The following FOXO3 variants were observed in gnomAD, a reference collection of about 807,000 sequenced individuals.
FOXO3 encodes the protein forkhead box protein O3.
FOXO3 carries 4 observed loss-of-function variants against 41.9 expected under a neutral mutation model. The observed-to-expected ratio is 0.10, with a 90% CI of 0.05 to 0.22. FOXO3 has a LOEUF of 0.22. Among genes scored for constraint, FOXO3 ranks in the 10% least tolerant of loss-of-function variants. FOXO3 has a pLI of 1.00. For missense variants in FOXO3, 534 were observed against 906.8 expected (o/e 0.59, Z 5.28); for synonymous variants, 318 against 389.3 (o/e 0.82, Z 2.16).
Position 108,567,167 on chromosome 6 carries a change from T to C in FOXO3, c.621+5338T>C, listed in dbSNP as rs77349106. Among the ~76,000 whole-genome samples the C allele has an allele frequency of 5.7e-3, 876 of 152,366 alleles. 8 individuals carry two copies. Among genetic ancestry groups the C allele is most frequent in the South Asian group, 0.05 (239 of 4,828 alleles). The stretch of plus-strand genomic sequence containing the variant: ...TTTTTACATCTGTATTTCTGCTTTC[T>C]CTAGTACTTCAACTCTGCTAAGAAG... On this transcript the variant is annotated intron_variant, in intron 1 of 2. Transcript: ENST00000406360.
At chr6:108,620,453 C>T (rs1296001041) in intron 1 of FOXO3, among the ~76,000 whole-genome samples, 7 of 152,086 alleles carry the variant, frequency 4.6e-5, no homozygotes, top group Non-Finnish European at 1.0e-4. Context: ...ACTGAAGTGA[C>T]CTGCTTTTTG....
intron 1 of FOXO3, among the ~76,000 whole-genome samples, chr6:108,572,947 C>T (rs932118545): frequency 6.6e-6 from 1 of 152,100 alleles, no homozygotes; most frequent in African/African-American, 2.4e-5. Context: ...AGTATACTTT[C>T]CTGTCTCCTG....
chr6:108,611,971 A>G (rs1777378054), intron 1 of FOXO3, among the ~76,000 whole-genome samples: 1 of 152,130 alleles, frequency 6.6e-6, no homozygotes, highest in East Asian at 1.9e-4. Flanking sequence ...GTGTATTTCT[A>G]GACCCTCTGT....
intron 1 of FOXO3, among the ~76,000 whole-genome samples, chr6:108,575,757 A>G (rs1425140155): frequency 6.6e-6 from 1 of 152,244 alleles, no homozygotes; most frequent in African/African-American, 2.4e-5. Context: ...CACTTTCAGT[A>G]TAGTTCCATT....
intron 1 of FOXO3, among the ~76,000 whole-genome samples, chr6:108,563,737 C>T (rs1775877163): frequency 6.6e-6 from 1 of 152,104 alleles, no homozygotes; most frequent in Non-Finnish European, 1.5e-5. Context: ...AATTTAATTT[C>T]ACAAATATTT....
intron 1 of FOXO3, among the ~76,000 whole-genome samples, chr6:108,660,654 T>C (rs546697193): frequency 5.9e-5 from 9 of 151,842 alleles, no homozygotes; most frequent in African/African-American, 2.2e-4. Flanking sequence ...GCAGATCACT[T>C]GATGTCAGGA....
At chr6:108,587,549 A>G (rs1776614496) in intron 1 of FOXO3, among the ~76,000 whole-genome samples, 2 of 152,124 alleles carry the variant, frequency 1.3e-5, no homozygotes, top group African/African-American at 4.8e-5. Context: ...ACACACACAC[A>G]CGCCCCACAC....
chr6:108,629,542 T>C (rs1777902725), intron 1 of FOXO3, among the ~76,000 whole-genome samples: 1 of 152,188 alleles, frequency 6.6e-6, no homozygotes, highest in Admixed American at 6.6e-5. Context: ...AGTCAAAGGA[T>C]GATAATATTG....
At chr6:108,593,359 T>C (rs1776782254) in intron 1 of FOXO3, among the ~76,000 whole-genome samples, 1 of 152,192 alleles carries the variant, frequency 6.6e-6, no homozygotes, top group Admixed American at 6.5e-5. Context: ...AAAGTAAATA[T>C]TAATTTTTTC....
At chr6:108,674,003 G>A (rs1422044372) in intron 2 of FOXO3, among the ~76,000 whole-genome samples, 2 of 152,206 alleles carry the variant, frequency 1.3e-5, no homozygotes, top group East Asian at 3.8e-4. Context: ...TGTACAGAAA[G>A]GATAGGAGAA....
intron 2 of FOXO3, among the ~76,000 whole-genome samples, chr6:108,670,127 A>G (rs939181978): frequency 6.6e-6 from 1 of 152,082 alleles, no homozygotes; most frequent in Non-Finnish European, 1.5e-5. Flanking sequence ...TGCTGGAGAG[A>G]TTGCCTCCTA....
At chr6:108,622,108 A>T (rs1777684091) in intron 1 of FOXO3, among the ~76,000 whole-genome samples, 1 of 152,078 alleles carries the variant, frequency 6.6e-6, no homozygotes, top group Non-Finnish European at 1.5e-5. Context: ...AATACAAAAA[A>T]ATTAGCTGGG....
At chr6:108,565,806 C>T (rs1289830507) in intron 1 of FOXO3, among the ~76,000 whole-genome samples, 1 of 152,182 alleles carries the variant, frequency 6.6e-6, no homozygotes, top group Middle Eastern at 3.2e-3. Flanking sequence ...TTAATACATC[C>T]AGTTCCTTTT....
intron 1 of FOXO3, among the ~76,000 whole-genome samples, chr6:108,585,512 A>T (rs1776557621): frequency 6.6e-6 from 1 of 152,170 alleles, no homozygotes; most frequent in Admixed American, 6.5e-5. Context: ...GCTGTGCATT[A>T]TTGAGATTGG....
At chr6:108,676,813 C>A (rs1043491097) in intron 2 of FOXO3, among the ~76,000 whole-genome samples, 2 of 152,148 alleles carry the variant, frequency 1.3e-5, no homozygotes, top group African/African-American at 4.8e-5. Flanking sequence ...CACAGGAGAG[C>A]CATTAAAAAT....
At chr6:108,596,206 G>A (rs543804388) in intron 1 of FOXO3, among the ~76,000 whole-genome samples, 138 of 151,740 alleles carry the variant, frequency 9.1e-4, no homozygotes, top group African/African-American at 3.2e-3. Context: ...TACTATTTTT[G>A]TTATTGTTTC....
intron 1 of FOXO3, among the ~76,000 whole-genome samples, chr6:108,647,113 T>C (rs986902713): frequency 6.6e-6 from 1 of 152,254 alleles, no homozygotes; most frequent in Admixed American, 6.5e-5. Context: ...TACTTTTTTC[T>C]GTTTTTAAAC....
intron 1 of FOXO3, among the ~76,000 whole-genome samples, chr6:108,577,223 A>T (rs1776286576): frequency 6.6e-6 from 1 of 151,814 alleles, no homozygotes; most frequent in Non-Finnish European, 1.5e-5. Flanking sequence ...AGTATACCTT[A>T]TTAAGAGGGT....
chr6:108,667,625 AT>A (rs922907118), intron 2 of FOXO3, among the ~76,000 whole-genome samples: 1 of 152,226 alleles, frequency 6.6e-6, no homozygotes, highest in Non-Finnish European at 1.5e-5. Context: ...AAATACTTAG[AT>A]TTTTAAAGTT....
Sources: allele counts gnomAD v4.1 joint callset (sites outside exome capture counted in the v4.1 genomes callset), GRCh38; gene constraint gnomAD v4.1.1; transcripts MANE v1.5; gene names NCBI Gene and HGNC (gene_info 2026-07-23, HGNC 2026-07-21).